The following SV2C variants were observed in gnomAD, a reference collection of about 807,000 sequenced individuals.
SV2C encodes the protein synaptic vesicle glycoprotein 2C, also known as solute carrier family 22 member B3.
Under a neutral mutation model 79.7 loss-of-function variants are expected in SV2C, and 49 were observed. That is an observed-to-expected ratio of 0.61 (90% confidence interval 0.49 to 0.78). The LOEUF (loss-of-function observed/expected upper bound fraction) is 0.78. Ranked by LOEUF, SV2C falls within the 30% of genes least tolerant of loss-of-function variation. The pLI, the probability that SV2C is intolerant of heterozygous loss-of-function variation, is 0.00. For synonymous variants in SV2C, 334 were observed against 333.2 expected, an observed-to-expected ratio of 1.00 and a Z score of -0.03; for missense variants, 833 against 912.9, an observed-to-expected ratio of 0.91 and a Z score of 1.13.
At chr5:76,246,092 C>G (rs1745940172) in intron 4 of SV2C, among the ~76,000 whole-genome samples, 1 of 151,972 alleles carries the variant, frequency 6.6e-6, no homozygotes, top group South Asian at 2.1e-4. Flanking sequence ...CAGGAAATGT[C>G]AAGTTCCTAG....
At chr5:76,226,880 C>T (rs183801352) in intron 4 of SV2C, among the ~76,000 whole-genome samples, 11 of 152,160 alleles carry the variant, frequency 7.2e-5, no homozygotes, top group Admixed American at 1.3e-4. Flanking sequence ...GGTGGGATGC[C>T]CATGATCACT....
At chr5:75,946,474 C>G in the SV2C span, among the ~76,000 whole-genome samples, 1 of 152,040 alleles carries the variant, frequency 6.6e-6, no homozygotes, top group African/African-American at 2.4e-5. Flanking sequence ...ATTATTGTAG[C>G]TTTCTAGTAA....
chr5:76,001,676 T>C, the SV2C span, among the ~76,000 whole-genome samples: 1 of 152,190 alleles, frequency 6.6e-6, no homozygotes, highest in Non-Finnish European at 1.5e-5. Context: ...GAGTTAGGTC[T>C]GTGTGGAAAA....
chr5:75,867,700 G>A, the SV2C span, among the ~76,000 whole-genome samples: 1 of 152,176 alleles, frequency 6.6e-6, no homozygotes, highest in African/African-American at 2.4e-5. Context: ...TCTTTGGAAT[G>A]TTCCTTCCTG....
In SV2C at chr5:76,328,184, A is replaced by G. The variant is rs1393622240; in HGVS notation, c.*2637A>G. ...TTAAGAAACAGCCAGGATATTAAAC[A>G]GAAACTCTCAGTTGTATCAGTGTAG... On this transcript the variant is annotated 3_prime_UTR_variant, in exon 13 of 13. Transcript: ENST00000502798. 6.6e-6 allele frequency: 1 copy of G among 152,192 alleles called. No individual in the cohort carries two copies. The highest frequency in any genetic ancestry group is 2.4e-5 in the African/African-American group (1 of 41,458). The allele number at this position is 152,192 out of a possible 1,614,324, so 9.4% of individuals were successfully genotyped here. A position where few individuals can be genotyped will look rare whatever the true frequency, so the allele number is the denominator to read the frequency against.
intron 2 of SV2C, among the ~76,000 whole-genome samples, chr5:76,185,991 T>C (rs1743903184): frequency 6.6e-6 from 1 of 152,204 alleles, no homozygotes; most frequent in African/African-American, 2.4e-5. Flanking sequence ...TTCCACCAGA[T>C]ACCCTAAATC....
chr5:76,267,250 G>A (rs1746691696), intron 4 of SV2C, among the ~76,000 whole-genome samples: 1 of 152,100 alleles, frequency 6.6e-6, no homozygotes, highest in Admixed American at 6.5e-5. Context: ...AGACATACTA[G>A]CTACAAGGGC....
the SV2C span, among the ~76,000 whole-genome samples, chr5:75,972,969 C>T: frequency 6.6e-6 from 1 of 152,012 alleles, no homozygotes; most frequent in Admixed American, 6.5e-5. Context: ...AAATATGGCA[C>T]CTATATACCA....
At chr5:76,299,023 A>C in intron 10 of SV2C, 96 bp downstream of exon 10, 1 of 1,353,132 alleles carries the variant, frequency 7.4e-7, no homozygotes, top group East Asian at 2.4e-5. Flanking sequence ...TTATGCGGGA[A>C]GTGGATATTA....
At chr5:76,079,089 G>A (rs1746936317), upstream of SV2C, 3 of 372,534 alleles carry the variant, frequency 8.1e-6, no homozygotes, top group Admixed American at 3.7e-5. Context: ...ATGAAGTGGT[G>A]TACAATGAAG....
At chr5:76,157,589 A>T (rs148064626) in intron 2 of SV2C, among the ~76,000 whole-genome samples, 165 of 151,578 alleles carry the variant, frequency 1.1e-3, no homozygotes, top group Admixed American at 2.5e-3. Flanking sequence ...ATACATATAT[A>T]TATTATCATT....
At chr5:76,122,604 A>G (rs1460971767) in intron 1 of SV2C, among the ~76,000 whole-genome samples, 1 of 152,118 alleles carries the variant, frequency 6.6e-6, no homozygotes, top group African/African-American at 2.4e-5. Flanking sequence ...GAAACTGAAC[A>G]ACCTGCTCCT....
chr5:75,887,915 G>T, the SV2C span, among the ~76,000 whole-genome samples: 1 of 152,056 alleles, frequency 6.6e-6, no homozygotes, highest in African/African-American at 2.4e-5. Context: ...TATCAGCATG[G>T]GCTTAATTTC....
At chr5:75,902,513 T>C in the SV2C span, among the ~76,000 whole-genome samples, 1 of 152,242 alleles carries the variant, frequency 6.6e-6, no homozygotes, top group Non-Finnish European at 1.5e-5. Context: ...ACCTTTGGAT[T>C]TGGCCATTTG....
At chr5:75,906,448 T>TC in the SV2C span, among the ~76,000 whole-genome samples, 1 of 151,736 alleles carries the variant, frequency 6.6e-6, no homozygotes, top group African/African-American at 2.4e-5. Flanking sequence ...TTTTTTTTTT[T>TC]CCTAATCATG....
intron 4 of SV2C, among the ~76,000 whole-genome samples, chr5:76,280,717 G>A (rs1747159096): frequency 6.6e-6 from 1 of 152,164 alleles, no homozygotes. Flanking sequence ...AGGCGTCAGG[G>A]GCCTCCAGGT....
At chr5:76,072,351 A>AAT in the SV2C span, among the ~76,000 whole-genome samples, 1 of 152,352 alleles carries the variant, frequency 6.6e-6, no homozygotes. Flanking sequence ...TGTGGGATTT[A>AAT]ATATTGTAGA....
intron 2 of SV2C, chr5:76,174,054 C>T: frequency 6.3e-7 from 1 of 1,577,224 alleles, no homozygotes. Context: ...TCTACTTCAA[C>T]TTGCTCTCTA....
the SV2C span, among the ~76,000 whole-genome samples, chr5:75,919,315 T>C: frequency 1.3e-5 from 2 of 152,358 alleles, no homozygotes; most frequent in South Asian, 4.1e-4. Flanking sequence ...TTTCAGATCC[T>C]CTGTTTTTCT....
Sources: allele counts gnomAD v4.1 joint callset (sites outside exome capture counted in the v4.1 genomes callset), GRCh38; gene constraint gnomAD v4.1.1; transcripts MANE v1.5; gene names NCBI Gene and HGNC (gene_info 2026-07-23, HGNC 2026-07-21).